RBFOX1: variants seen among roughly 807,000 people sequenced by gnomAD.
The protein encoded by RBFOX1 is RNA binding protein fox-1 homolog 1.
Under a neutral mutation model 57.7 loss-of-function variants are expected in RBFOX1, and 8 were observed. That is an observed-to-expected ratio of 0.14 (90% CI 0.08 to 0.25). The LOEUF is 0.25. Among genes scored for constraint, RBFOX1 ranks in the 10% least tolerant of loss-of-function variants. RBFOX1 has a pLI of 1.00. For synonymous variants in RBFOX1, 326 were observed against 222.4 expected (o/e 1.47, Z -4.15); for missense variants, 611 against 548.5 (o/e 1.11, Z -1.14).
intron 4 of RBFOX1, among the ~76,000 whole-genome samples, chr16:7,182,496 T>C (rs1421167651): frequency 6.6e-6 from 1 of 152,210 alleles, no homozygotes; most frequent in African/African-American, 2.4e-5. Context: ...TTTTTACCAT[T>C]TTCTAGATAT....
intron 3 of RBFOX1, among the ~76,000 whole-genome samples, chr16:7,029,304 ATG>A (rs1216235321): frequency 5.5e-5 from 8 of 145,516 alleles, no homozygotes; most frequent in Non-Finnish European, 9.0e-5. Flanking sequence ...ATATACGTAT[ATG>A]TATATATATA....
At position 6,773,988 on chromosome 16, in the gene RBFOX1, C is replaced by G. The variant is rs1051525660; in HGVS notation, c.-16+119338C>G. The G allele has an allele frequency of 1.1e-5, 11 of 985,162 alleles. No individual in the cohort carries two copies. The African/African-American group carries it at 1.8e-4, about 16-fold the overall frequency. The allele number at this position is 985,162 out of a possible 1,614,324, so 61.0% of individuals were successfully genotyped here. The stretch of plus-strand genomic sequence containing the variant: ...CATGGTCCTCCCGTTTTCAACTGAA[C>G]CTGTAATTAGCTCCTCAGAGACCAG... On this transcript the variant is annotated intron_variant, in intron 3 of 15. Coordinates refer to ENST00000550418, the MANE Select transcript of RBFOX1 (RefSeq NM_018723.4).
At chr16:5,766,355 G>C (rs2053777979) in intron 3 of RBFOX1, among the ~76,000 whole-genome samples, 1 of 152,132 alleles carries the variant, frequency 6.6e-6, no homozygotes, top group Non-Finnish European at 1.5e-5. Context: ...GGGTAGCTGA[G>C]GTGGGTGGAT....
chr16:5,763,422 C>G (rs992673294), intron 3 of RBFOX1, among the ~76,000 whole-genome samples: 1 of 152,202 alleles, frequency 6.6e-6, no homozygotes, highest in Non-Finnish European at 1.5e-5. Flanking sequence ...GTGCAGACAG[C>G]CTGCGCCCAT....
chr16:7,564,371 C>G (rs1176852864), intron 5 of RBFOX1, among the ~76,000 whole-genome samples: 4 of 151,622 alleles, frequency 2.6e-5, no homozygotes, highest in African/African-American at 9.7e-5. Context: ...AACCTCCTCT[C>G]TACTAAAAAT....
intron 4 of RBFOX1, among the ~76,000 whole-genome samples, chr16:5,889,447 T>G (rs1042032800): frequency 6.6e-6 from 1 of 152,252 alleles, no homozygotes; most frequent in African/African-American, 2.4e-5. Context: ...GTGCCACATT[T>G]TCTTTATCCG....
intron 3 of RBFOX1, among the ~76,000 whole-genome samples, chr16:6,867,644 G>A (rs1208034766): frequency 2.0e-5 from 3 of 152,066 alleles, no homozygotes; most frequent in Non-Finnish European, 2.9e-5. Context: ...GCTTGAACCC[G>A]GGAGGCAGAG....
intron 4 of RBFOX1, among the ~76,000 whole-genome samples, chr16:7,487,351 G>T (rs952603771): frequency 6.6e-6 from 1 of 152,100 alleles, no homozygotes; most frequent in Non-Finnish European, 1.5e-5. Flanking sequence ...ACATGTATGG[G>T]TCATTGTACT....
intron 1 of RBFOX1, among the ~76,000 whole-genome samples, chr16:5,259,289 G>C (rs2151095147): frequency 6.6e-6 from 1 of 152,026 alleles, no homozygotes; most frequent in Non-Finnish European, 1.5e-5. Flanking sequence ...CCAATTCCTG[G>C]AGCTCACTCC....
intron 5 of RBFOX1, among the ~76,000 whole-genome samples, chr16:7,545,307 G>C (rs1388270292): frequency 4.1e-5 from 6 of 145,264 alleles, no homozygotes; most frequent in African/African-American, 8.1e-5. Context: ...GAGAGGCAGG[G>C]TGCGGGTCAT....
At chr16:5,604,416 A>G (rs1333521154), downstream of RBFOX1, among the ~76,000 whole-genome samples, 2 of 152,052 alleles carry the variant, frequency 1.3e-5, no homozygotes, top group Non-Finnish European at 2.9e-5. Context: ...GAATAATTCA[A>G]TTTCTTGTGG....
intron 2 of RBFOX1, among the ~76,000 whole-genome samples, chr16:6,531,128 C>T (rs1435356046): frequency 6.6e-6 from 1 of 152,166 alleles, no homozygotes; most frequent in Non-Finnish European, 1.5e-5. Context: ...CTTACCATGC[C>T]CAGTAGTAGG....
At chr16:6,313,818 T>A (rs1213972517) in intron 1 of RBFOX1, among the ~76,000 whole-genome samples, 1 of 17,002 alleles carries the variant, frequency 5.9e-5, no homozygotes, top group Admixed American at 9.7e-4. Context: ...ACTCAGAACA[T>A]TTTAGTTAAA....
At chr16:6,818,136 C>G (rs1244731082) in intron 3 of RBFOX1, among the ~76,000 whole-genome samples, 1 of 152,114 alleles carries the variant, frequency 6.6e-6, no homozygotes, top group Non-Finnish European at 1.5e-5. Context: ...AAGCCCTTTT[C>G]TAGGTTCCTC....
At chr16:7,052,419 G>T (rs551446829) in intron 4 of RBFOX1, among the ~76,000 whole-genome samples, 3 of 152,268 alleles carry the variant, frequency 2.0e-5, no homozygotes, top group South Asian at 4.1e-4. Flanking sequence ...AGGTCAAAAG[G>T]ATGGCTGGCT....
intron 4 of RBFOX1, among the ~76,000 whole-genome samples, chr16:5,944,296 G>A (rs1228714726): frequency 2.0e-5 from 3 of 152,180 alleles, no homozygotes; most frequent in Non-Finnish European, 4.4e-5. Flanking sequence ...TGGATGAATG[G>A]TCACCAGGCG....
chr16:7,076,321 C>G (rs554228087), intron 4 of RBFOX1, among the ~76,000 whole-genome samples: 29 of 152,186 alleles, frequency 1.9e-4, no homozygotes, highest in African/African-American at 6.5e-4. Flanking sequence ...CGTGAACCAC[C>G]ACTCCCGGCC....
intron 4 of RBFOX1, among the ~76,000 whole-genome samples, chr16:7,470,812 CAA>C (rs910190816): frequency 3.3e-5 from 5 of 151,776 alleles, no homozygotes; most frequent in African/African-American, 1.2e-4. Flanking sequence ...TGATGATAAA[CAA>C]GAGTTCAGGG....
chr16:6,462,160 A>T (rs184684664), intron 2 of RBFOX1, among the ~76,000 whole-genome samples: 32 of 152,250 alleles, frequency 2.1e-4, no homozygotes, highest in Admixed American at 2.0e-3. Flanking sequence ...TGGTTTTGGA[A>T]CCGTTAACCC....
Sources: gnomAD v4.1 joint callset for allele counts (sites outside exome capture counted in the v4.1 genomes callset) on GRCh38, gnomAD v4.1.1 for gene constraint, MANE v1.5 for transcripts, NCBI Gene and HGNC (gene_info 2026-07-23, HGNC 2026-07-21) for gene names.